ACBD4: variants seen among roughly 807,000 people sequenced by gnomAD.
ACBD4 encodes the protein acyl-CoA-binding domain-containing protein 4.
A neutral mutation model predicts 46.0 loss-of-function variants in ACBD4; 41 were observed. That is an observed-to-expected ratio of 0.89 (90% confidence interval 0.69 to 1.16). ACBD4 has a LOEUF of 1.16. Among genes scored for constraint, ACBD4 ranks in the 50% most tolerant of loss-of-function variants. The pLI, the probability that ACBD4 is intolerant of heterozygous loss-of-function variation, is 0.00. For synonymous variants in ACBD4, 162 were observed against 155.9 expected (o/e 1.04, Z -0.29); for missense variants, 393 against 399.5 (o/e 0.98, Z 0.14).
upstream of ACBD4, chr17:45,132,398 G>C (rs1283121912): frequency 8.2e-7 from 1 of 1,222,818 alleles, no homozygotes; most frequent in Non-Finnish European, 1.0e-6. This position sits in a 1 kb window ranked among gnomAD's most constrained non-coding sequence, Gnocchi z 4.6. Flanking sequence ...CGCCTCCAGC[G>C]GCCGCACAGC....
At chr17:45,132,504 C>G (rs2054479101), upstream of ACBD4, 8 of 704,866 alleles carry the variant, frequency 1.1e-5, no homozygotes, top group Non-Finnish European at 1.8e-6. This position sits in a 1 kb window ranked among gnomAD's most constrained non-coding sequence, Gnocchi z 4.6. Flanking sequence ...CTGAGCGAGG[C>G]GGCGAGCGAA....
intron 9 of ACBD4, among the ~76,000 whole-genome samples, chr17:45,139,378 C>T (rs564388980): frequency 3.3e-5 from 5 of 152,264 alleles, no homozygotes; most frequent in Admixed American, 2.6e-4. Flanking sequence ...GGCCCTTTGC[C>T]GTTCTCCCCT....
At chr17:45,135,983 TTCTGACCTCCCAGGGTG>T in intron 1 of ACBD4, 30 bp downstream of exon 1, 1 of 670,172 alleles carries the variant, frequency 1.5e-6, no homozygotes, top group Non-Finnish European at 2.5e-6. Context: ...CAACCACAAC[TTCTGACCTCCCAGGGTG>T]TCTGAGGCCT....
At chr17:45,132,485 G>T, upstream of ACBD4, 2 of 947,056 alleles carry the variant, frequency 2.1e-6, no homozygotes, top group East Asian at 5.3e-5. The surrounding 1 kb of genome is among the most constrained non-coding windows in gnomAD (Gnocchi z 4.6). Flanking sequence ...CTCTGGCCCG[G>T]CCCCGGCTCT....
At chr17:45,138,083 A>G (rs2054988438) in intron 8 of ACBD4, 95 bp downstream of exon 8, 2 of 1,279,934 alleles carry the variant, frequency 1.6e-6, no homozygotes, top group Non-Finnish European at 2.2e-6. Flanking sequence ...GGCAGAGTTG[A>G]AAGTCCATTG....
chr17:45,134,498 CG>C (rs2054661950), upstream of ACBD4, among the ~76,000 whole-genome samples: 1 of 152,130 alleles, frequency 6.6e-6, no homozygotes. Flanking sequence ...TACAATAGGC[CG>C]GGCGCGGTGG....
chr17:45,138,652 G>A (rs1301690488), intron 8 of ACBD4: 5 of 248,690 alleles, frequency 2.0e-5, no homozygotes, highest in African/African-American at 4.4e-5. Flanking sequence ...TTAGCCGGGT[G>A]TGGTGGGCAC....
chr17:45,132,511 C>A (rs191168114), upstream of ACBD4: 6,160 of 649,260 alleles, frequency 9.5e-3, 97 homozygotes, highest in Admixed American at 0.047. This position sits in a 1 kb window ranked among gnomAD's most constrained non-coding sequence, Gnocchi z 4.6. Context: ...AGGCGGCGAG[C>A]GAAGAAACTT....
At chr17:45,140,417 G>A (rs2031564702) in intron 9 of ACBD4, among the ~76,000 whole-genome samples, 1 of 150,716 alleles carries the variant, frequency 6.6e-6, no homozygotes, top group South Asian at 2.1e-4. Context: ...TCTTGACCTC[G>A]TAATCCACCT....
At chr17:45,138,695 G>A (rs2055042340) in intron 8 of ACBD4, among the ~76,000 whole-genome samples, 1 of 151,972 alleles carries the variant, frequency 6.6e-6, no homozygotes, top group African/African-American at 2.4e-5. Flanking sequence ...GGCTGAGGCA[G>A]GAGAATCGCT....
chr17:45,141,519 C>T (rs2055272979), intron 9 of ACBD4, among the ~76,000 whole-genome samples: 1 of 152,142 alleles, frequency 6.6e-6, no homozygotes, highest in African/African-American at 2.4e-5. Flanking sequence ...GAGACCCTGT[C>T]TCCACAAAAT....
chr17:45,142,307 C>T (rs545587185), intron 9 of ACBD4, among the ~76,000 whole-genome samples: 1 of 128,772 alleles, frequency 7.8e-6, no homozygotes, highest in East Asian at 2.8e-4. Context: ...GCGGGAGAAT[C>T]GCTTGAACCC....
intron 8 of ACBD4, chr17:45,138,297 T>C: frequency 2.0e-6 from 1 of 506,482 alleles, no homozygotes; most frequent in East Asian, 3.5e-5. Context: ...CAGGAAGTCA[T>C]CCATATTCTC....
intron 9 of ACBD4, among the ~76,000 whole-genome samples, chr17:45,142,297 G>A (rs1327288052): frequency 7.0e-6 from 1 of 143,650 alleles, no homozygotes; most frequent in East Asian, 2.3e-4. Flanking sequence ...GGAGGCTGAT[G>A]CGGGAGAATC....
upstream of ACBD4, among the ~76,000 whole-genome samples, chr17:45,134,744 T>A (rs903506423): frequency 6.6e-6 from 1 of 151,888 alleles, no homozygotes; most frequent in Non-Finnish European, 1.5e-5. Context: ...GCCACTGCAC[T>A]CCAGCCCGGG....
intron 9 of ACBD4, among the ~76,000 whole-genome samples, chr17:45,140,388 C>T (rs1454633932): frequency 6.6e-6 from 1 of 150,616 alleles, no homozygotes; most frequent in African/African-American, 2.4e-5. Context: ...TCACCACGGT[C>T]CCCAGGATGG....
chr17:45,143,862 C>T lies in ACBD4; in HGVS notation c.*291C>T. 2.1e-6 allele frequency: 1 copy of T among 474,360 alleles called. No homozygotes were observed. The highest frequency in any genetic ancestry group is 3.0e-5 in the South Asian group (1 of 33,674). The allele number at this position is 474,360 out of a possible 1,614,324, so 29.4% of individuals were successfully genotyped here. On this transcript the variant is annotated 3_prime_UTR_variant, in exon 10 of 10. Coordinates refer to ENST00000321854, the MANE Select transcript of ACBD4 (RefSeq NM_001135705.3). ...TGACTCGGGGGCGGGGCGATCGGGT[C>T]TCAGCCCCTGCCTTCCCCAGTCTCT... is the stretch of plus-strand genomic sequence containing the variant.
At chr17:45,141,202 G>A (rs2055249123) in intron 9 of ACBD4, among the ~76,000 whole-genome samples, 1 of 152,182 alleles carries the variant, frequency 6.6e-6, no homozygotes, top group Non-Finnish European at 1.5e-5. Context: ...ACCACACATT[G>A]CATTTGTTCC....
chr17:45,142,168 G>C (rs2055313739), intron 9 of ACBD4, among the ~76,000 whole-genome samples: 1 of 151,900 alleles, frequency 6.6e-6, no homozygotes, highest in African/African-American at 2.4e-5. Flanking sequence ...TGAGGTGGGT[G>C]GATCACCCGA....
Sources: allele counts gnomAD v4.1 joint callset (sites outside exome capture counted in the v4.1 genomes callset), GRCh38; gene constraint gnomAD v4.1.1; non-coding constraint Gnocchi (gnomAD v3.1); transcripts MANE v1.5; gene names NCBI Gene and HGNC (gene_info 2026-07-23, HGNC 2026-07-21).